Variants in LRRC9 observed in about 807,000 individuals in gnomAD.
The protein encoded by LRRC9 is leucine rich repeat containing 9, also known as leucine-rich repeat-containing protein 9.
A neutral mutation model predicts 63.2 loss-of-function variants in LRRC9; 122 were observed. The ratio of observed to expected loss-of-function variants is 1.93; its 90% CI spans 1.67 to 2.24. LRRC9 has a LOEUF of 2.24. Among genes scored for constraint, LRRC9 ranks in the 30% most tolerant of loss-of-function variants. LRRC9 has a pLI of 0.00. For missense variants in LRRC9, 1,071 were observed against 627.7 expected (o/e 1.71, Z -7.55); for synonymous variants, 366 against 213.1 (o/e 1.72, Z -6.25).
intron 3 of LRRC9, 70 bp downstream of exon 3, chr14:59,928,556 A>G: frequency 1.9e-6 from 1 of 526,152 alleles, no homozygotes; most frequent in Admixed American, 3.7e-5. Flanking sequence ...AAAATAATTC[A>G]TTGAAATATA....
At chr14:60,056,877 A>G (rs1031710911) in intron 30 of LRRC9, among the ~76,000 whole-genome samples, 1 of 152,158 alleles carries the variant, frequency 6.6e-6, no homozygotes, top group African/African-American at 2.4e-5. Flanking sequence ...CTTTCTTTTT[A>G]ACAGCAAATA....
chr14:59,999,300 T>C, intron 19 of LRRC9, 74 bp downstream of exon 19: 3 of 592,126 alleles, frequency 5.1e-6, no homozygotes, highest in East Asian at 2.9e-5. Context: ...TCTTTTTCTG[T>C]CATTAAGATT....
intron 13 of LRRC9, among the ~76,000 whole-genome samples, chr14:59,975,054 C>CATATATATAT (rs1885989969): frequency 1.1e-4 from 2 of 18,712 alleles, no homozygotes; most frequent in Non-Finnish European, 2.8e-4. Context: ...TATATATATG[C>CATATATATAT]TGAACTAAAC....
chr14:59,996,607 T>C (rs1888820765), intron 17 of LRRC9, among the ~76,000 whole-genome samples: 1 of 152,158 alleles, frequency 6.6e-6, no homozygotes, highest in Non-Finnish European at 1.5e-5. Flanking sequence ...AATTTAAAAA[T>C]GACCAGTATA....
At chr14:60,023,602 G>A (rs1891287148) in intron 27 of LRRC9, among the ~76,000 whole-genome samples, 1 of 151,974 alleles carries the variant, frequency 6.6e-6, no homozygotes, top group East Asian at 1.9e-4. Context: ...CAATATATGA[G>A]ATCATTTTAT....
At chr14:60,048,467 G>A (rs1263597924) in intron 29 of LRRC9, among the ~76,000 whole-genome samples, 1 of 152,064 alleles carries the variant, frequency 6.6e-6, no homozygotes. Flanking sequence ...TATCACCACT[G>A]ACCCCACAAA....
In LRRC9 at chr14:60,060,905, AGG is replaced by A. The variant is rs1203319445; in HGVS notation, c.4277-2415_4277-2414del. 1.3e-5 allele frequency among the ~76,000 whole-genome samples: 2 copies of A among 152,154 alleles called. No individual in the cohort carries two copies. Among genetic ancestry groups the A allele is most frequent in the Non-Finnish European group, 2.9e-5 (2 of 68,024 alleles). ...CCTAATGGGAGTTTGGATGACTTTGAGGGGTTCAGGACTTCAGTGAAGGAAGT... is the reference window on the plus strand; with the variant it reads ...CCTAATGGGAGTTTGGATGACTTTGAGGTTCAGGACTTCAGTGAAGGAAGT... On this transcript the variant is annotated intron_variant, in intron 31 of 31. Transcript: ENST00000445360. The surrounding 1 kb of genome is among the most constrained non-coding windows in gnomAD (Gnocchi z 4.0).
rs1889101580 is a variant in LRRC9 at position 59,999,083 on chromosome 14, T to C, written c.2404-18T>C. On this transcript the variant is annotated intron_variant, in intron 18 of 31. Transcript: ENST00000445360. ...TATTTAACAGTTTATAAAAAATTTT[T>C]TTTTTGTTTTTCCCAAGCCAGCCAC... 7.8e-6 allele frequency: 5 copies of C among 637,306 alleles called. No homozygotes were observed. Among genetic ancestry groups the C allele is most frequent in the Non-Finnish European group, 1.4e-5 (5 of 358,114 alleles). 39.5% of individuals were successfully genotyped at this position (637,306 alleles called of 1,614,324 possible).
At chr14:60,015,050 T>C (rs1334556231) in intron 23 of LRRC9, among the ~76,000 whole-genome samples, 2 of 152,152 alleles carry the variant, frequency 1.3e-5, no homozygotes, top group African/African-American at 2.4e-5. Context: ...TTTTCTCTTT[T>C]CTTTCCACTC....
intron 8 of LRRC9, among the ~76,000 whole-genome samples, chr14:59,952,452 C>T (rs1566807639): frequency 6.6e-6 from 1 of 152,160 alleles, no homozygotes; most frequent in Non-Finnish European, 1.5e-5. Flanking sequence ...GCAGAAATCA[C>T]CCGTCTTCTG....
In LRRC9 at chr14:59,930,125, G is replaced by T. The variant is rs1889572100; in HGVS notation, c.268-793G>T. On this transcript the variant is annotated intron_variant, in intron 3 of 31. Transcript: ENST00000445360. The surrounding 1 kb of genome is among the most constrained non-coding windows in gnomAD (Gnocchi z 4.9). ...GTGCAAAGGAAAAACAGAAATAAGG[G>T]ATTAAAACATAAACATATTCTACTT... Among the ~76,000 whole-genome samples the T allele has an allele frequency of 2.0e-5, 3 of 151,836 alleles. No individual in the cohort carries two copies. The highest frequency in any genetic ancestry group is 4.4e-5 in the Non-Finnish European group (3 of 67,908).
rs1161957088 is a variant in LRRC9 at position 59,938,528 on chromosome 14, G to T, written c.682G>T (p.Asp228Tyr). Residue 228 changes from aspartate to tyrosine, a missense_variant, in exon 7 of 32, where the codon GAC (aspartate) becomes TAC (tyrosine). Physicochemically the swap from Asp to Tyr is radical, Grantham distance 160 (BLOSUM62 -3). Transcript: ENST00000445360. This position sits in a 1 kb window ranked among gnomAD's most constrained non-coding sequence, Gnocchi z 4.2. Reference sequence around the variant, plus strand: ...TCATTTGCCTTGCCTTCAAAGATTTGACACATTGGATGTGTCAGCAAAGCA... The same window carrying T: ...TCATTTGCCTTGCCTTCAAAGATTTTACACATTGGATGTGTCAGCAAAGCA... 1 of 696,768 alleles carries T rather than the reference G, an allele frequency of 1.4e-6. No individual in the cohort carries two copies. The highest frequency in any genetic ancestry group is 2.6e-6 in the Non-Finnish European group (1 of 382,428). The allele number at this position is 696,768 out of a possible 1,614,324, so 43.2% of individuals were successfully genotyped here. A position where few individuals can be genotyped will look rare whatever the true frequency, so the allele number is the denominator to read the frequency against.
At chr14:59,921,582 G>C (rs1053344648) in intron 1 of LRRC9, among the ~76,000 whole-genome samples, 1 of 152,148 alleles carries the variant, frequency 6.6e-6, no homozygotes, top group Non-Finnish European at 1.5e-5. Context: ...AAGAATGGTG[G>C]TGTTACTTTT....
intron 12 of LRRC9, among the ~76,000 whole-genome samples, chr14:59,974,273 G>C (rs528093219): frequency 6.6e-6 from 1 of 152,158 alleles, no homozygotes; most frequent in East Asian, 1.9e-4. Context: ...TACTAGTGGA[G>C]TACTCATTGA....
At chr14:60,062,265 A>G (rs1894701644) in intron 31 of LRRC9, 86 bp downstream of exon 32, 1 of 396,478 alleles carries the variant, frequency 2.5e-6, no homozygotes, top group Non-Finnish European at 4.4e-6. Flanking sequence ...ATAACAGGAA[A>G]TATTGTTATG....
chr14:59,949,357 C>T (rs1247526952), intron 8 of LRRC9, among the ~76,000 whole-genome samples: 6 of 151,390 alleles, frequency 4.0e-5, no homozygotes, highest in African/African-American at 1.5e-4. Flanking sequence ...TGATGATATC[C>T]CCTTTATCAT....
chr14:59,949,159 A>G (rs2139891461), intron 8 of LRRC9, among the ~76,000 whole-genome samples: 1 of 143,796 alleles, frequency 7.0e-6, no homozygotes, highest in Admixed American at 7.0e-5. Context: ...TTGGTTGGTA[A>G]ACTATTGATT....
intron 29 of LRRC9, among the ~76,000 whole-genome samples, chr14:60,034,503 C>T (rs114456921): frequency 6.6e-6 from 1 of 152,046 alleles, no homozygotes; most frequent in South Asian, 2.1e-4. Context: ...CTCTCATCCC[C>T]GCTCCCCGTC....
intron 8 of LRRC9, among the ~76,000 whole-genome samples, chr14:59,945,796 T>C (rs1019648927): frequency 6.6e-6 from 1 of 151,916 alleles, no homozygotes; most frequent in Non-Finnish European, 1.5e-5. Context: ...TAAACTAGAA[T>C]TTTACAAGAG....
Sources: gnomAD v4.1 joint callset for allele counts (sites outside exome capture counted in the v4.1 genomes callset) on GRCh38, gnomAD v4.1.1 for gene constraint, Gnocchi (gnomAD v3.1) non-coding constraint, MANE v1.5 for transcripts, NCBI Gene and HGNC (gene_info 2026-07-23, HGNC 2026-07-21) for gene names.